The following PRKACB variants were observed in gnomAD, a reference collection of about 807,000 sequenced individuals.
PRKACB encodes the protein protein kinase cAMP-activated catalytic subunit beta.
In PRKACB, 16 loss-of-function variants were observed where a neutral mutation model predicts 51.4. That is an observed-to-expected ratio of 0.31 (90% CI 0.21 to 0.47). The LOEUF (loss-of-function observed/expected upper bound fraction) is 0.47. PRKACB is among the 20% of genes least tolerant of loss of function. The probability of loss-of-function intolerance (pLI) is 1.00; values close to 1 mark genes in which losing one functional copy is unlikely to be tolerated. For synonymous variants in PRKACB, 147 were observed against 154.4 expected (o/e 0.95, Z 0.35); for missense variants, 309 against 464.5 (o/e 0.67, Z 3.08).
intron 2 of PRKACB, among the ~76,000 whole-genome samples, chr1:84,181,469 G>A (rs1047414733): frequency 4.6e-5 from 7 of 151,930 alleles, no homozygotes. Context: ...CTTCTGTGCT[G>A]TAGTCAAAGC....
intron 1 of PRKACB, among the ~76,000 whole-genome samples, chr1:84,080,500 A>AC (rs1647440664): frequency 6.6e-6 from 1 of 152,178 alleles, no homozygotes; most frequent in Non-Finnish European, 1.5e-5. Context: ...TTGTGAAGTG[A>AC]CCAAAAAAAA....
intron 1 of PRKACB, chr1:84,078,432 C>T (rs1647258935): frequency 6.3e-7 from 1 of 1,579,212 alleles, no homozygotes; most frequent in Non-Finnish European, 8.6e-7. Context: ...ACCGAGCGCC[C>T]TCCGGGTCGC....
chr1:84,164,830 G>T lies in PRKACB; in HGVS notation c.188-14347G>T, dbSNP rs1656865206. 7 of 1,379,828 alleles carry T rather than the reference G, an allele frequency of 5.1e-6. No individual in the cohort carries two copies. In the Admixed American group the frequency reaches 1.0e-4, roughly 20 times the overall value. The allele number at this position is 1,379,828 out of a possible 1,614,324, so 85.5% of individuals were successfully genotyped here. On this transcript the variant is annotated intron_variant, in intron 1 of 9. Coordinates refer to ENST00000370685, the MANE Select transcript of PRKACB (RefSeq NM_182948.4). The stretch of plus-strand genomic sequence containing the variant: ...ATCTCATGCTAGGCAGTTATGCTTT[G>T]CTTCTAGGGGCTTCTCTTTTTAAAA...
chr1:84,103,637 G>GAC (rs1649517984), intron 1 of PRKACB, among the ~76,000 whole-genome samples: 1 of 152,164 alleles, frequency 6.6e-6, no homozygotes, highest in African/African-American at 2.4e-5. Flanking sequence ...TTAGACCCCA[G>GAC]ACATTGTGGT....
chr1:84,194,477 T>G (rs1295624887), intron 5 of PRKACB, among the ~76,000 whole-genome samples: 1 of 152,176 alleles, frequency 6.6e-6, no homozygotes, highest in Non-Finnish European at 1.5e-5. Flanking sequence ...CAGAATCAAA[T>G]GAGGCATTAT....
rs148025499 is a variant in PRKACB at position 84,127,932 on chromosome 1, A to C, written c.46+49561A>C. Among the ~76,000 whole-genome samples, 411 of 152,020 alleles carry C rather than the reference A, an allele frequency of 2.7e-3. 1 individual carries two copies. The highest frequency in any genetic ancestry group is 9.7e-3 in the African/African-American group (401 of 41,528). On this transcript the variant is annotated intron_variant, in intron 1 of 8. Transcript: ENST00000370688. ...TTGCCAAATTTTACATTGTGTAAAA[A>C]ATAAAGAGGCTTTGCTCAGGATTCC...
intron 1 of PRKACB, among the ~76,000 whole-genome samples, chr1:84,162,997 T>C (rs1412452833): frequency 6.6e-6 from 1 of 152,160 alleles, no homozygotes; most frequent in Non-Finnish European, 1.5e-5. Flanking sequence ...CCTCATGATA[T>C]GTGACTACTG....
chr1:84,181,806 G>T, intron 2 of PRKACB: 1 of 1,023,316 alleles, frequency 9.8e-7, no homozygotes, highest in Non-Finnish European at 1.4e-6. Context: ...AAGTCTGTAT[G>T]GCTTCTATGA....
intron 1 of PRKACB, among the ~76,000 whole-genome samples, chr1:84,134,686 TA>T (rs1402785382): frequency 6.6e-6 from 1 of 152,152 alleles, no homozygotes; most frequent in Non-Finnish European, 1.5e-5. Context: ...GAAGAAAGAA[TA>T]AAGTCAACAG....
chr1:84,128,007 C>CTTTT (rs10537848), intron 1 of PRKACB, among the ~76,000 whole-genome samples: 1 of 105,396 alleles, frequency 9.5e-6, no homozygotes, highest in Non-Finnish European at 1.9e-5. Context: ...CTTTTTTTTT[C>CTTTT]TTTTTTTTTT....
chr1:84,144,627 A>G lies in PRKACB; in HGVS notation c.187+79A>G, dbSNP rs373371564. 30 of 1,382,582 alleles carry G rather than the reference A, an allele frequency of 2.2e-5. 1 individual carries two copies. In the South Asian group the frequency reaches 3.5e-4, roughly 16 times the overall value. The allele number at this position is 1,382,582 out of a possible 1,614,324, so 85.6% of individuals were successfully genotyped here. A position where few individuals can be genotyped will look rare whatever the true frequency, so the allele number is the denominator to read the frequency against. On this transcript the variant is annotated intron_variant, in intron 1 of 9. Transcript: ENST00000370685. The stretch of plus-strand genomic sequence containing the variant: ...GGAGTTTTACAATCAAACATAAAGA[A>G]CCCTCTTTTGTTTGTTGTTTTCTGA...
At chr1:84,175,636 A>T (rs1039871860) in intron 1 of PRKACB, among the ~76,000 whole-genome samples, 1 of 151,740 alleles carries the variant, frequency 6.6e-6, no homozygotes, top group Non-Finnish European at 1.5e-5. Flanking sequence ...TGATTTTTAA[A>T]CTATGTTCTA....
chr1:84,135,324 T>G (rs1652691338), intron 1 of PRKACB, among the ~76,000 whole-genome samples: 1 of 152,166 alleles, frequency 6.6e-6, no homozygotes, highest in African/African-American at 2.4e-5. Flanking sequence ...ACTCCACTAT[T>G]ATAGTTGAAG....
intron 1 of PRKACB, among the ~76,000 whole-genome samples, chr1:84,125,326 G>A (rs1651478762): frequency 1.3e-5 from 2 of 152,168 alleles, no homozygotes; most frequent in African/African-American, 2.4e-5. Context: ...ATTCTCACAC[G>A]TGAAATTTCA....
At chr1:84,092,677 T>G (rs1418142609) in intron 1 of PRKACB, among the ~76,000 whole-genome samples, 2 of 152,150 alleles carry the variant, frequency 1.3e-5, no homozygotes, top group African/African-American at 4.8e-5. Flanking sequence ...AAATAAATTT[T>G]CAGATTGGTT....
intron 9 of PRKACB, among the ~76,000 whole-genome samples, chr1:84,219,227 GTT>G (rs772119278): frequency 1.4e-5 from 2 of 140,080 alleles, no homozygotes; most frequent in Non-Finnish European, 1.6e-5. Context: ...TGTTTATTAG[GTT>G]TTTTTTTTTT....
intron 1 of PRKACB, among the ~76,000 whole-genome samples, chr1:84,080,213 C>T (rs1647414929): frequency 6.6e-6 from 1 of 152,116 alleles, no homozygotes; most frequent in African/African-American, 2.4e-5. Context: ...TGATAATAGA[C>T]TCTTCTGTGA....
At chr1:84,214,645 A>G (rs1672629398) in intron 9 of PRKACB, among the ~76,000 whole-genome samples, 1 of 151,926 alleles carries the variant, frequency 6.6e-6, no homozygotes, top group African/African-American at 2.4e-5. Flanking sequence ...GGTGCATGCC[A>G]TCACATCTGG....
At chr1:84,144,006 A>G (rs887548050), upstream of PRKACB, among the ~76,000 whole-genome samples, 3 of 152,114 alleles carry the variant, frequency 2.0e-5, no homozygotes, top group African/African-American at 7.2e-5. Flanking sequence ...TAGACTTGTC[A>G]TACATGTTTA....
Sources: gnomAD v4.1 joint callset for allele counts (sites outside exome capture counted in the v4.1 genomes callset) on GRCh38, gnomAD v4.1.1 for gene constraint, MANE v1.5 for transcripts, NCBI Gene and HGNC (gene_info 2026-07-23, HGNC 2026-07-21) for gene names.